Variants in GBP7 observed in about 807,000 individuals in gnomAD.
GBP7 encodes the protein guanylate-binding protein 7.
GBP7 carries 43 observed loss-of-function variants against 61.3 expected under a neutral mutation model. The ratio of observed to expected loss-of-function variants is 0.70; its 90% CI spans 0.55 to 0.91. GBP7 has a LOEUF of 0.91. Among genes scored for constraint, GBP7 ranks in the 40% least tolerant of loss-of-function variants. The pLI is 0.00. For missense variants in GBP7, 717 were observed against 740.5 expected, an observed-to-expected ratio of 0.97 and a Z score of 0.37; for synonymous variants, 267 against 271.0, an observed-to-expected ratio of 0.99 and a Z score of 0.14.
Position 89,164,990 on chromosome 1 carries a change from A to G in GBP7, c.191-132T>C, listed in dbSNP as rs183681335. The G allele has an allele frequency of 4.0e-5, 32 of 797,756 alleles. 1 individual carries two copies. The highest frequency in any genetic ancestry group is 3.3e-4 in the South Asian group (18 of 54,270). The allele number at this position is 797,756 out of a possible 1,614,324, so 49.4% of individuals were successfully genotyped here. On this transcript the variant is annotated intron_variant, in intron 2 of 10. Transcript: ENST00000294671. ...GGTTGCTTCCATTTCAGCAAAGACAATCAATCAAATCTTTATTTGTATAAA... is the reference window on the plus strand; with the variant it reads ...GGTTGCTTCCATTTCAGCAAAGACAGTCAATCAAATCTTTATTTGTATAAA...
At chr1:89,145,959 T>G (rs1682052545) in intron 8 of GBP7, among the ~76,000 whole-genome samples, 1 of 152,020 alleles carries the variant, frequency 6.6e-6, no homozygotes, top group South Asian at 2.1e-4. Context: ...TTCACAGCAG[T>G]AAGAAAACCA....
At chr1:89,144,730 TTG>T (rs984891239) in intron 8 of GBP7, among the ~76,000 whole-genome samples, 4 of 152,040 alleles carry the variant, frequency 2.6e-5, no homozygotes, top group Non-Finnish European at 5.9e-5. Flanking sequence ...TATCTTTTTT[TTG>T]TGTGTGTGTG....
intron 3 of GBP7, among the ~76,000 whole-genome samples, chr1:89,159,566 A>G (rs1400287051): frequency 6.6e-6 from 1 of 152,222 alleles, no homozygotes; most frequent in Non-Finnish European, 1.5e-5. Context: ...ATGAACAGAC[A>G]CTTCTCAAAG....
chr1:89,132,148 C>T lies in GBP7; in HGVS notation c.*1G>A, dbSNP rs557630858. 31 of 1,599,990 alleles carry T rather than the reference C, an allele frequency of 1.9e-5. No homozygotes were observed. The Admixed American group carries it at 2.4e-4, about 13-fold the overall frequency. ...GTTATACCATTTTAACAAAAGAAAC[C>T]TCAGCTTATAATTTTCTTACCAGGA... is the stretch of plus-strand genomic sequence containing the variant. On this transcript the variant is annotated 3_prime_UTR_variant, in exon 11 of 11. Coordinates refer to ENST00000294671, the MANE Select transcript of GBP7 (RefSeq NM_207398.3).
chr1:89,173,441 G>C (rs1314163217), intron 1 of GBP7, among the ~76,000 whole-genome samples: 1 of 152,120 alleles, frequency 6.6e-6, no homozygotes, highest in Admixed American at 6.5e-5. Flanking sequence ...AAGTAAGCTA[G>C]ACTTTGGTCT....
At chr1:89,162,118 G>C (rs1647292603) in intron 3 of GBP7, among the ~76,000 whole-genome samples, 1 of 149,000 alleles carries the variant, frequency 6.7e-6, no homozygotes, top group Non-Finnish European at 1.5e-5. Context: ...TATCTGTTCT[G>C]TTCCATTGGT....
In GBP7 at chr1:89,133,273, C is replaced by G; in HGVS notation, c.1647G>C (p.Leu549Phe). 10 of 1,590,676 alleles carry G rather than the reference C, an allele frequency of 6.3e-6. No individual in the cohort carries two copies. Among genetic ancestry groups the G allele is most frequent in the Non-Finnish European group, 8.6e-6 (10 of 1,162,460 alleles). ...CCAGACTCACCTTCATCTTGTGACT[C>G]AACATCTTTCTCAGTTCTCTCATAT... Reference protein sequence around the residue: ...ENYMRELRKMLSHKMKVLEEL... With the variant: ...ENYMRELRKMFSHKMKVLEEL... The change falls in exon 10 of 11, where the codon TTG (leucine) becomes TTC (phenylalanine). Residue 549 changes from leucine (L) to phenylalanine (F), a missense_variant. Physicochemically the swap from Leu to Phe is conservative, Grantham distance 22 (BLOSUM62 0). This residue lies in a region of GBP7 where 312 missense variants were observed against 310.1 expected (regional missense o/e 1.01). Coordinates refer to ENST00000294671, the MANE Select transcript of GBP7 (RefSeq NM_207398.3).
chr1:89,153,363 T>C (rs1185691414), intron 3 of GBP7, among the ~76,000 whole-genome samples: 3 of 152,214 alleles, frequency 2.0e-5, no homozygotes, highest in Non-Finnish European at 4.4e-5. Context: ...ATTTTTGCCA[T>C]TTATATTGAT....
At chr1:89,154,112 A>C (rs922544721) in intron 3 of GBP7, among the ~76,000 whole-genome samples, 5 of 152,212 alleles carry the variant, frequency 3.3e-5, no homozygotes, top group African/African-American at 1.2e-4. Context: ...CAAGGCCAAC[A>C]AGTAATTTTG....
intron 2 of GBP7, among the ~76,000 whole-genome samples, chr1:89,168,510 A>G (rs760263028): frequency 1.3e-5 from 2 of 152,252 alleles, no homozygotes; most frequent in East Asian, 1.9e-4. Context: ...TAAATTTGTT[A>G]CTAAATTCAA....
At chr1:89,159,515 GA>G (rs998966591) in intron 3 of GBP7, among the ~76,000 whole-genome samples, 1 of 151,398 alleles carries the variant, frequency 6.6e-6, no homozygotes, top group East Asian at 1.9e-4. Context: ...AAAGTTACAA[GA>G]AAAAAATCAA....
chr1:89,147,463 A>G, intron 8 of GBP7, 104 bp downstream of exon 8: 1 of 840,932 alleles, frequency 1.2e-6, no homozygotes, highest in South Asian at 1.6e-5. Flanking sequence ...CCATGCTTCA[A>G]TTTTTGTCGA....
At chr1:89,141,158 A>G (rs950996023) in intron 9 of GBP7, among the ~76,000 whole-genome samples, 2 of 151,994 alleles carry the variant, frequency 1.3e-5, no homozygotes, top group Non-Finnish European at 2.9e-5. Context: ...CAATTTACCC[A>G]TGTAACAAAC....
intron 9 of GBP7, among the ~76,000 whole-genome samples, chr1:89,138,000 A>G (rs1681847021): frequency 6.6e-6 from 1 of 152,114 alleles, no homozygotes; most frequent in Non-Finnish European, 1.5e-5. Context: ...TCTACACACC[A>G]ATAATGTCCA....
At chr1:89,173,519 T>C (rs944108190) in intron 1 of GBP7, among the ~76,000 whole-genome samples, 36 of 152,198 alleles carry the variant, frequency 2.4e-4, no homozygotes, top group Non-Finnish European at 8.8e-5. Flanking sequence ...TCAAAATTGA[T>C]AATAAGTCTG....
rs1375892696 is a variant in GBP7 at position 89,141,628 on chromosome 1, G to A, written c.1386C>T (p.Ser462=). Residue 462 remains serine, a synonymous_variant, in exon 9 of 11, where the codon AGC becomes AGT. Coordinates refer to ENST00000294671, the MANE Select transcript of GBP7 (RefSeq NM_207398.3). ...CTATAACCACCTGTGACTGCAGGAA[G>A]CTCTGGAGGACCTCGTCTGCCTGAA... The part of the protein sequence containing the change: ...KGVKADEVLQ[S]FLQSQVVIEE... The A allele has an allele frequency of 6.2e-7, 1 of 1,613,664 alleles. No homozygotes were observed. The highest frequency in any genetic ancestry group is 8.5e-7 in the Non-Finnish European group (1 of 1,179,764).
intron 1 of GBP7, among the ~76,000 whole-genome samples, chr1:89,174,943 G>A (rs943846767): frequency 1.3e-5 from 2 of 152,124 alleles, no homozygotes; most frequent in African/African-American, 4.8e-5. Flanking sequence ...ATAGAGAGTA[G>A]CATATGCACA....
intron 3 of GBP7, 41 bp downstream of exon 3, chr1:89,164,690 G>A (rs371870593): frequency 1.3e-6 from 2 of 1,597,296 alleles, no homozygotes; most frequent in African/African-American, 2.7e-5. Flanking sequence ...CATAAATAGA[G>A]AATCAAAGGT....
intron 5 of GBP7, 90 bp from the exon 6 acceptor site, chr1:89,150,665 T>C: frequency 7.7e-6 from 10 of 1,296,806 alleles, no homozygotes; most frequent in Non-Finnish European, 1.1e-5. Flanking sequence ...CATCAATCAC[T>C]ACAGTCTCTT....
Sources: allele counts gnomAD v4.1 joint callset (sites outside exome capture counted in the v4.1 genomes callset), GRCh38; gene constraint gnomAD v4.1.1; regional missense constraint gnomAD v4.1.1; transcripts MANE v1.5; gene names NCBI Gene and HGNC (gene_info 2026-07-23, HGNC 2026-07-21).